Variants in TSHZ2 observed in about 807,000 individuals in gnomAD.
TSHZ2 encodes teashirt homolog 2.
Under a neutral mutation model 74.4 loss-of-function variants are expected in TSHZ2, and 21 were observed. The ratio of observed to expected loss-of-function variants is 0.28; its 90% CI spans 0.20 to 0.41. The LOEUF (loss-of-function observed/expected upper bound fraction) is 0.41, where lower values mean the gene tolerates loss of function less well. TSHZ2 is among the 10% of genes least tolerant of loss of function. The pLI, the probability that TSHZ2 is intolerant of heterozygous loss-of-function variation, is 1.00. For missense variants in TSHZ2, 1,244 were observed against 1,293.5 expected (o/e 0.96, Z 0.59); for synonymous variants, 540 against 515.3 (o/e 1.05, Z -0.65).
At chr20:53,400,799 A>G (rs763596052) in intron 2 of TSHZ2, among the ~76,000 whole-genome samples, 1 of 152,178 alleles carries the variant, frequency 6.6e-6, no homozygotes, top group Non-Finnish European at 1.5e-5. Context: ...TAACTTGGGC[A>G]TCGGGAAGTC....
chr20:53,082,031 C>T (rs1985553306), intron 1 of TSHZ2, among the ~76,000 whole-genome samples: 1 of 152,066 alleles, frequency 6.6e-6, no homozygotes, highest in South Asian at 2.1e-4. Context: ...CCAAGGTCAC[C>T]CGTCACTGAC....
intron 1 of TSHZ2, among the ~76,000 whole-genome samples, chr20:53,108,508 C>T (rs953496460): frequency 6.6e-6 from 1 of 152,158 alleles, no homozygotes; most frequent in African/African-American, 2.4e-5. Context: ...CACAGGTAGT[C>T]GACAAGTTCT....
intron 1 of TSHZ2, among the ~76,000 whole-genome samples, chr20:53,120,901 A>G (rs1297030414): frequency 6.6e-6 from 1 of 152,232 alleles, no homozygotes; most frequent in Non-Finnish European, 1.5e-5. Flanking sequence ...ATTACTGACA[A>G]TCAAATCATA....
intron 1 of TSHZ2, among the ~76,000 whole-genome samples, chr20:53,150,308 T>C (rs1006948937): frequency 3.9e-5 from 6 of 152,284 alleles, no homozygotes; most frequent in East Asian, 1.9e-4. Context: ...AACTTCCAGA[T>C]TGCAAATCTA....
intron 2 of TSHZ2, among the ~76,000 whole-genome samples, chr20:53,443,910 T>A (rs1984441842): frequency 6.6e-6 from 1 of 152,106 alleles, no homozygotes; most frequent in Admixed American, 6.5e-5. Flanking sequence ...GAGCTAGGCC[T>A]GGTGTGTTCC....
chr20:53,449,401 C>T (rs936818135), intron 2 of TSHZ2, among the ~76,000 whole-genome samples: 2 of 152,194 alleles, frequency 1.3e-5, no homozygotes, highest in African/African-American at 4.8e-5. Flanking sequence ...TTACCATTTA[C>T]TCATTCAACA....
rs139589220 is a variant in TSHZ2, at chr20:53,139,293, T to C, written c.41-114206T>C. Among the ~76,000 whole-genome samples, 87 of 152,340 alleles carry C rather than the reference T, an allele frequency of 5.7e-4. No homozygotes were observed. The East Asian group carries it at 0.012, about 21-fold the overall frequency. On this transcript the variant is annotated intron_variant, in intron 1 of 2. Transcript: ENST00000371497. The stretch of plus-strand genomic sequence containing the variant: ...ACCTGCTAGTACAGGGTCTGGTTTA[T>C]AGTAAGTACTTGTTATTTCCTGAAT...
rs187809494 is a variant in TSHZ2, at chr20:53,255,445, G to A, written c.1987G>A (p.Glu663Lys). 60 of 1,611,468 alleles carry A rather than the reference G, an allele frequency of 3.7e-5. 3 individuals are homozygous for A. Among genetic ancestry groups the A allele is most frequent in the South Asian group, 2.9e-4 (26 of 91,060 alleles). The change falls in exon 2 of 3, where the codon GAG becomes AAG. Residue 663 changes from glutamate to lysine, a missense_variant. By Grantham distance (56) the Glu-to-Lys change is moderately conservative. Transcript: ENST00000371497. The surrounding 1 kb of genome is among the most constrained non-coding windows in gnomAD (Gnocchi z 4.1). ...GGAGAAGCTGATGAAAGAGGGCAGC[G>A]AGAAGGAGAAACCCCAGCCCCTGGA... is the stretch of plus-strand genomic sequence containing the variant. ...EEEKLMKEGS[E>K]KEKPQPLEPT...
chr20:53,118,118 G>A (rs1986718011), intron 1 of TSHZ2, among the ~76,000 whole-genome samples: 1 of 152,170 alleles, frequency 6.6e-6, no homozygotes, highest in Non-Finnish European at 1.5e-5. Flanking sequence ...GTGCATTCAT[G>A]GGTTAAAAGG....
intron 1 of TSHZ2, among the ~76,000 whole-genome samples, chr20:52,978,164 G>C (rs1981417305): frequency 6.6e-6 from 1 of 152,120 alleles, no homozygotes; most frequent in African/African-American, 2.4e-5. Flanking sequence ...TAATACCTGA[G>C]TTGATCTGTT....
chr20:53,299,885 T>G (rs1463234683), intron 2 of TSHZ2, among the ~76,000 whole-genome samples: 2 of 152,334 alleles, frequency 1.3e-5, no homozygotes, highest in Non-Finnish European at 2.9e-5. Flanking sequence ...TTCCCCCACA[T>G]GATAGCATAT....
chr20:53,044,672 A>G (rs531800024), intron 1 of TSHZ2, among the ~76,000 whole-genome samples: 2 of 152,276 alleles, frequency 1.3e-5, no homozygotes, highest in South Asian at 4.1e-4. Context: ...ACCTTTAAGG[A>G]TGCAGACAGT....
chr20:53,023,857 C>T (rs1983338127), intron 1 of TSHZ2, among the ~76,000 whole-genome samples: 1 of 152,166 alleles, frequency 6.6e-6, no homozygotes, highest in Admixed American at 6.5e-5. Flanking sequence ...ACGCAGCACA[C>T]CAGTGAGCAA....
intron 1 of TSHZ2, among the ~76,000 whole-genome samples, chr20:53,040,532 GCTCT>G (rs1163124253): frequency 1.3e-5 from 2 of 152,110 alleles, no homozygotes; most frequent in East Asian, 1.9e-4. Flanking sequence ...TACAAACTGG[GCTCT>G]CTGAGTGCAG....
At chr20:53,143,233 C>T (rs1987453231) in intron 1 of TSHZ2, among the ~76,000 whole-genome samples, 1 of 152,190 alleles carries the variant, frequency 6.6e-6, no homozygotes, top group African/African-American at 2.4e-5. Context: ...CACTCCTTTG[C>T]CCCAGAAAAT....
At chr20:53,403,988 A>C (rs1982760846) in intron 2 of TSHZ2, among the ~76,000 whole-genome samples, 1 of 152,208 alleles carries the variant, frequency 6.6e-6, no homozygotes, top group South Asian at 2.1e-4. Context: ...TTAATAATCA[A>C]AATCTTCATG....
chr20:53,065,188 T>C (rs1364266859), intron 1 of TSHZ2, among the ~76,000 whole-genome samples: 1 of 152,216 alleles, frequency 6.6e-6, no homozygotes, highest in Non-Finnish European at 1.5e-5. Context: ...AGTATGATAA[T>C]GCGTGAAGAG....
chr20:53,063,857 T>C (rs1176565643), intron 1 of TSHZ2, among the ~76,000 whole-genome samples: 1 of 152,016 alleles, frequency 6.6e-6, no homozygotes, highest in African/African-American at 2.4e-5. Context: ...AATTTACAGG[T>C]GAGTGTTAGC....
At chr20:53,486,045 T>C (rs1285398953) in intron 2 of TSHZ2, among the ~76,000 whole-genome samples, 1 of 152,228 alleles carries the variant, frequency 6.6e-6, no homozygotes, top group Non-Finnish European at 1.5e-5. Flanking sequence ...AGAATTCTTA[T>C]TGCTTTTCCC....
Sources: allele counts gnomAD v4.1 joint callset (sites outside exome capture counted in the v4.1 genomes callset), GRCh38; gene constraint gnomAD v4.1.1; non-coding constraint Gnocchi (gnomAD v3.1); transcripts MANE v1.5; gene names NCBI Gene and HGNC (gene_info 2026-07-23, HGNC 2026-07-21).